UGT1A9: variants seen among roughly 807,000 people sequenced by gnomAD.
UGT1A9 encodes UDP glucuronosyltransferase family 1 member A9.
In UGT1A9, 35 loss-of-function variants were observed where a neutral mutation model predicts 45.0. The observed-to-expected ratio is 0.78, with a 90% confidence interval of 0.59 to 1.03. The LOEUF (loss-of-function observed/expected upper bound fraction) is 1.03, where lower values mean the gene tolerates loss of function less well. Among genes scored for constraint, UGT1A9 ranks in the 50% least tolerant of loss-of-function variants. The probability of loss-of-function intolerance (pLI) is 0.00; values close to 1 mark genes in which losing one functional copy is unlikely to be tolerated. For missense variants in UGT1A9, 687 were observed against 666.6 expected (o/e 1.03, Z -0.34); for synonymous variants, 278 against 250.6 (o/e 1.11, Z -1.03).
chr2:233,764,622 A>G (rs1698606670), intron 1 of UGT1A9, among the ~76,000 whole-genome samples: 1 of 152,124 alleles, frequency 6.6e-6, no homozygotes. Flanking sequence ...GGTTTCATGA[A>G]GAGCAAAGGT....
chr2:233,720,745 G>A (rs12463910), intron 1 of UGT1A9, among the ~76,000 whole-genome samples: 11,915 of 147,388 alleles, frequency 0.081, 607 homozygotes, highest in East Asian at 0.21. Context: ...TCGTTCTGTC[G>A]CCCAGGCTGG....
chr2:233,759,597 C>T (rs1299391040), intron 1 of UGT1A9, among the ~76,000 whole-genome samples: 1 of 140,706 alleles, frequency 7.1e-6, no homozygotes, highest in Admixed American at 7.3e-5. Flanking sequence ...CCCCCACCCC[C>T]GACCCGCCCC....
intron 1 of UGT1A9, chr2:233,713,315 G>A (rs1559359231): frequency 1.9e-6 from 3 of 1,614,100 alleles, no homozygotes; most frequent in Admixed American, 1.7e-5. Context: ...ATCTTCTGAT[G>A]AAATTTTCTA....
chr2:233,743,730 C>A (rs189214805), intron 1 of UGT1A9: 9 of 1,367,384 alleles, frequency 6.6e-6, no homozygotes, highest in East Asian at 4.5e-5. Context: ...TCATAGATAT[C>A]GCGTTTCTTG....
chr2:233,675,477 C>T (rs182686828), intron 1 of UGT1A9, among the ~76,000 whole-genome samples: 7 of 152,186 alleles, frequency 4.6e-5, no homozygotes, highest in East Asian at 1.9e-4. Flanking sequence ...ATGGCAGGTG[C>T]GGCTCTGGGG....
chr2:233,731,132 CTA>C (rs1206897988), intron 1 of UGT1A9, among the ~76,000 whole-genome samples: 3 of 152,006 alleles, frequency 2.0e-5, no homozygotes, highest in African/African-American at 7.3e-5. Flanking sequence ...GCAAAAGACT[CTA>C]AGCTTCATTT....
Position 233,672,407 on chromosome 2 carries a change from C to A in UGT1A9, c.473C>A (p.Ala158Asp). 1.2e-6 allele frequency: 2 copies of A among 1,613,862 alleles called. No homozygotes were observed. The highest frequency in any genetic ancestry group is 1.7e-6 in the Non-Finnish European group (2 of 1,179,906). The stretch of plus-strand genomic sequence containing the variant: ...TTTGATAACTGTGGCTTAATTGTTG[C>A]CAAATATTTCTCCCTCCCCTCCGTG... ...DPFDNCGLIV[A>D]KYFSLPSVVF... Residue 158 changes from alanine to aspartate, a missense_variant, in exon 1 of 5, where the codon GCC becomes GAC. By Grantham distance (126) the Ala-to-Asp change is moderately radical. Coordinates refer to ENST00000354728, the MANE Select transcript of UGT1A9 (RefSeq NM_021027.3).
intron 1 of UGT1A9, chr2:233,747,161 T>G (rs1379278040): frequency 2.1e-5 from 34 of 1,586,670 alleles, no homozygotes; most frequent in South Asian, 2.3e-5. Flanking sequence ...AGAAAACAAA[T>G]GTAGGAGGCA....
chr2:233,678,020 A>G (rs891256080), intron 1 of UGT1A9, among the ~76,000 whole-genome samples: 3 of 152,180 alleles, frequency 2.0e-5, no homozygotes, highest in African/African-American at 7.2e-5. Flanking sequence ...CTTTGTAACA[A>G]CATGGATGCA....
chr2:233,746,292 T>G (rs1467631519), intron 1 of UGT1A9, among the ~76,000 whole-genome samples: 3 of 151,662 alleles, frequency 2.0e-5, no homozygotes, highest in Non-Finnish European at 4.4e-5. Flanking sequence ...GAAGGTGGCT[T>G]TGTTTCCCTT....
intron 1 of UGT1A9, chr2:233,691,548 A>G (rs1056565919): frequency 8.1e-6 from 8 of 985,556 alleles, no homozygotes; most frequent in East Asian, 1.1e-4. Flanking sequence ...AGTCTGTTCT[A>G]GTAATTCAAG....
At chr2:233,771,176 C>T (rs887864017) in intron 4 of UGT1A9, 17 of 152,256 alleles carry the variant, frequency 1.1e-4, no homozygotes, top group African/African-American at 3.6e-4. Context: ...CTGGGGATTA[C>T]AATTCAACAT....
At chr2:233,746,133 C>A (rs1693313600) in intron 1 of UGT1A9, among the ~76,000 whole-genome samples, 1 of 151,790 alleles carries the variant, frequency 6.6e-6, no homozygotes, top group African/African-American at 2.4e-5. Context: ...TGTGGACTGG[C>A]ACCTGAGTGA....
intron 2 of UGT1A9, 82 bp from the exon 3 acceptor site, chr2:233,767,765 CCT>C (rs1699477727): frequency 9.3e-6 from 15 of 1,608,904 alleles, no homozygotes; most frequent in Admixed American, 1.7e-5. Context: ...TCAGAGGACC[CCT>C]GTTTTCTAGT....
chr2:233,682,274 T>C, intron 1 of UGT1A9: 1 of 1,614,202 alleles, frequency 6.2e-7, no homozygotes, highest in Non-Finnish European at 8.5e-7. Flanking sequence ...AACAAGTTCA[T>C]CCAATGGTAT....
Position 233,672,651 on chromosome 2 carries a change from T to C in UGT1A9, c.717T>C (p.Val239=), listed in dbSNP as rs752391305. The C allele has an allele frequency of 1.9e-6, 3 of 1,613,910 alleles. No individual in the cohort carries two copies. The highest frequency in any genetic ancestry group is 2.2e-5 in the South Asian group (2 of 91,076). Residue 239 remains valine (V), a synonymous_variant, in exon 1 of 5, where the codon GTT becomes GTC. Coordinates refer to ENST00000354728, the MANE Select transcript of UGT1A9 (RefSeq NM_021027.3). The part of the protein sequence containing the change: ...EIASEILQTP[V]TEYDLYSHTS... ...CCTCTGAAATTCTCCAAACACCTGT[T>C]ACGGAGTATGATCTCTACAGCCACA...
rs561946796 is a variant in UGT1A9, at chr2:233,772,692, G to A, written c.*133G>A. Reference sequence around the variant, plus strand: ...TGCATAAATTAATCAGCCCCAGAGTGCTTTAAAAAATTCTCTTAAATAAAA... The same window carrying A: ...TGCATAAATTAATCAGCCCCAGAGTACTTTAAAAAATTCTCTTAAATAAAA... On this transcript the variant is annotated 3_prime_UTR_variant, in exon 5 of 5. Coordinates refer to ENST00000354728, the MANE Select transcript of UGT1A9 (RefSeq NM_021027.3). 1.0e-4 allele frequency: 156 copies of A among 1,485,828 alleles called. No homozygotes were observed. In the South Asian group the frequency reaches 1.7e-3, roughly 16 times the overall value. 92.0% of individuals were successfully genotyped at this position (1,485,828 alleles called of 1,614,324 possible). A position where few individuals can be genotyped will look rare whatever the true frequency, so the allele number is the denominator to read the frequency against.
chr2:233,755,190 G>A, intron 1 of UGT1A9: 9 of 1,160,210 alleles, frequency 7.8e-6, no homozygotes, highest in Non-Finnish European at 7.2e-6. Context: ...CCACTTGAGC[G>A]CCAGCTTGCG....
chr2:233,699,744 T>G (rs1237056581), intron 1 of UGT1A9, among the ~76,000 whole-genome samples: 1 of 152,214 alleles, frequency 6.6e-6, no homozygotes, highest in African/African-American at 2.4e-5. Flanking sequence ...CCCAGAAAAC[T>G]AGACCCCAGT....
Sources: gnomAD v4.1 joint callset for allele counts (sites outside exome capture counted in the v4.1 genomes callset) on GRCh38, gnomAD v4.1.1 for gene constraint, MANE v1.5 for transcripts, NCBI Gene and HGNC (gene_info 2026-07-23, HGNC 2026-07-21) for gene names.